The following SLC10A7 variants were observed in gnomAD, a reference collection of about 807,000 sequenced individuals.
The protein encoded by SLC10A7 is sodium/bile acid cotransporter 7.
SLC10A7 carries 29 observed loss-of-function variants against 43.2 expected under a neutral mutation model. That is an observed-to-expected ratio of 0.67 (90% confidence interval 0.50 to 0.92). SLC10A7 has a LOEUF of 0.92. Ranked by LOEUF, SLC10A7 falls within the 40% of genes least tolerant of loss-of-function variation. The probability of loss-of-function intolerance (pLI) is 0.00; values close to 1 mark genes in which losing one functional copy is unlikely to be tolerated. For synonymous variants in SLC10A7, 152 were observed against 144.8 expected, an observed-to-expected ratio of 1.05 and a Z score of -0.35; for missense variants, 295 against 403.2, an observed-to-expected ratio of 0.73 and a Z score of 2.30.
In SLC10A7 at chr4:146,286,257, G is replaced by C. The variant is rs575694846; in HGVS notation, c.774-2992C>G. ...AGTGGTGAGAAGGATCATGTTTGGA[G>C]TGGTGAGAAGGACCGTGTTTGGAGT... is the stretch of plus-strand genomic sequence containing the variant. On this transcript the variant is annotated intron_variant, in intron 9 of 11. Coordinates refer to ENST00000335472, the MANE Select transcript of SLC10A7 (RefSeq NM_001029998.6). 2.7e-5 allele frequency among the ~76,000 whole-genome samples: 4 copies of C among 150,782 alleles called. No homozygotes were observed. The East Asian group carries it at 7.9e-4, about 30-fold the overall frequency.
chr4:146,424,615 G>A (rs1240367206), intron 5 of SLC10A7, among the ~76,000 whole-genome samples: 3 of 151,674 alleles, frequency 2.0e-5, no homozygotes, highest in Non-Finnish European at 4.4e-5. Flanking sequence ...AGCCAAGATC[G>A]GGCTACTGCA....
intron 5 of SLC10A7, among the ~76,000 whole-genome samples, chr4:146,403,297 C>G (rs1230605028): frequency 6.6e-6 from 1 of 152,132 alleles, no homozygotes; most frequent in Non-Finnish European, 1.5e-5. Context: ...ACATTAATTT[C>G]TGGACTTGAG....
intron 3 of SLC10A7, among the ~76,000 whole-genome samples, chr4:146,507,185 T>A (rs1736994671): frequency 6.6e-6 from 1 of 152,222 alleles, no homozygotes; most frequent in South Asian, 2.1e-4. Context: ...TTTACATATT[T>A]TTTTTGATCA....
In SLC10A7 at chr4:146,414,181, T is replaced by C. The variant is rs529312841; in HGVS notation, c.435+28602A>G. Among the ~76,000 whole-genome samples, 36 of 152,168 alleles carry C rather than the reference T, an allele frequency of 2.4e-4. No individual in the cohort carries two copies. In the South Asian group the frequency reaches 7.3e-3, roughly 31 times the overall value. ...GCTGCAAATTCCCAGAAAGCTCACA[T>C]AGGGCCCTCCTCAACATGACTAGGA... On this transcript the variant is annotated intron_variant, in intron 5 of 11. Coordinates refer to ENST00000335472, the MANE Select transcript of SLC10A7 (RefSeq NM_001029998.6).
chr4:146,480,870 T>TAAGC (rs1408307570), intron 4 of SLC10A7, among the ~76,000 whole-genome samples: 1 of 151,326 alleles, frequency 6.6e-6, no homozygotes, highest in Admixed American at 6.6e-5. Context: ...AAATAATGAA[T>TAAGC]AAGCAACTGC....
intron 5 of SLC10A7, among the ~76,000 whole-genome samples, chr4:146,403,851 C>A (rs1171014996): frequency 6.6e-6 from 1 of 152,060 alleles, no homozygotes; most frequent in Non-Finnish European, 1.5e-5. Flanking sequence ...GTAAGAATAG[C>A]TATTGTGAGG....
In SLC10A7 at chr4:146,347,513, T is replaced by G. The variant is rs1398173355; in HGVS notation, c.436-21517A>C. Among the ~76,000 whole-genome samples the G allele has an allele frequency of 2.6e-5, 4 of 152,192 alleles. No individual in the cohort carries two copies. The South Asian group carries it at 6.2e-4, about 24-fold the overall frequency. On this transcript the variant is annotated intron_variant, in intron 5 of 11. Coordinates refer to ENST00000335472, the MANE Select transcript of SLC10A7 (RefSeq NM_001029998.6). ...CTGCTAAGTTGAGACATGGCTGGAGTGGAGGACAGGATTGTAAAGTTAGAA... is the reference window on the plus strand; with the variant it reads ...CTGCTAAGTTGAGACATGGCTGGAGGGGAGGACAGGATTGTAAAGTTAGAA...
intron 4 of SLC10A7, among the ~76,000 whole-genome samples, chr4:146,496,673 C>A (rs1214916584): frequency 6.6e-6 from 1 of 152,172 alleles, no homozygotes; most frequent in Non-Finnish European, 1.5e-5. Flanking sequence ...TTCTCCACAA[C>A]TATCCATTTA....
At chr4:146,341,908 C>T (rs941709227) in intron 5 of SLC10A7, among the ~76,000 whole-genome samples, 2 of 151,670 alleles carry the variant, frequency 1.3e-5, no homozygotes, top group African/African-American at 4.8e-5. Context: ...CAAAGTTATA[C>T]ATGAATCTCA....
At position 146,275,578 on chromosome 4, in the gene SLC10A7, C is replaced by T. The variant is rs114561072; in HGVS notation, c.847+7614G>A. ...TTGTGGAAGTCATGTGAGCTGGTGCCCACAAAGTATTTATGGGAAGTGACC... is the reference window on the plus strand; with the variant it reads ...TTGTGGAAGTCATGTGAGCTGGTGCTCACAAAGTATTTATGGGAAGTGACC... On this transcript the variant is annotated intron_variant, in intron 10 of 11. Transcript: ENST00000335472. 8.8e-3 allele frequency among the ~76,000 whole-genome samples: 1,327 copies of T among 151,578 alleles called. 5 individuals are homozygous for T. Among genetic ancestry groups the T allele is most frequent in the Non-Finnish European group, 0.014 (955 of 67,834 alleles).
At chr4:146,274,024 A>C (rs1177265285) in intron 10 of SLC10A7, among the ~76,000 whole-genome samples, 1 of 152,094 alleles carries the variant, frequency 6.6e-6, no homozygotes, top group Non-Finnish European at 1.5e-5. Context: ...CCCCTTTCAT[A>C]AAGGGATTTA....
At chr4:146,406,376 C>T (rs545880778) in intron 5 of SLC10A7, among the ~76,000 whole-genome samples, 7 of 152,260 alleles carry the variant, frequency 4.6e-5, no homozygotes, top group South Asian at 2.1e-4. Context: ...TTAAGCCTAT[C>T]GCTGAATACC....
chr4:146,389,706 T>G (rs1418114345), intron 5 of SLC10A7, among the ~76,000 whole-genome samples: 1 of 152,234 alleles, frequency 6.6e-6, no homozygotes, highest in African/African-American at 2.4e-5. Flanking sequence ...CAGCTTCTAA[T>G]GTAACAGGGC....
chr4:146,400,238 A>G (rs142035545), intron 5 of SLC10A7, among the ~76,000 whole-genome samples: 63 of 152,326 alleles, frequency 4.1e-4, no homozygotes, highest in African/African-American at 1.4e-3. Flanking sequence ...GATTTGGAAG[A>G]TGGAGGTCAC....
Position 146,512,664 on chromosome 4 carries a change from ATACT to A in SLC10A7, c.184-2619_184-2616del, listed in dbSNP as rs1218090967. ...GGCAACTCATTCCTTCATTTAAGTA[ATACT>A]TACTGAGCACCTGGCACCATTCTAG... is the stretch of plus-strand genomic sequence containing the variant. On this transcript the variant is annotated intron_variant, in intron 2 of 11. Transcript: ENST00000335472. 2.0e-5 allele frequency among the ~76,000 whole-genome samples: 3 copies of A among 152,282 alleles called. No homozygotes were observed. In the East Asian group the frequency reaches 5.8e-4, roughly 29 times the overall value.
intron 5 of SLC10A7, among the ~76,000 whole-genome samples, chr4:146,404,512 G>A (rs1434113219): frequency 6.6e-6 from 1 of 150,966 alleles, no homozygotes; most frequent in African/African-American, 2.4e-5. Flanking sequence ...GTGTGTGTGT[G>A]TGTGACTGGT....
chr4:146,282,365 C>A (rs192249044), intron 10 of SLC10A7, among the ~76,000 whole-genome samples: 3 of 152,242 alleles, frequency 2.0e-5, no homozygotes, highest in Admixed American at 1.3e-4. Context: ...GACTGAATTT[C>A]CTTAACATAA....
At chr4:146,321,913 T>C (rs1017254313) in intron 6 of SLC10A7, among the ~76,000 whole-genome samples, 6 of 152,202 alleles carry the variant, frequency 3.9e-5, no homozygotes, top group Admixed American at 3.3e-4. Flanking sequence ...AAGTGTTATA[T>C]GCGATGCATA....
At chr4:146,421,703 G>A (rs1467707177) in intron 5 of SLC10A7, among the ~76,000 whole-genome samples, 1 of 151,988 alleles carries the variant, frequency 6.6e-6, no homozygotes, top group Non-Finnish European at 1.5e-5. Context: ...CTATGTACCA[G>A]GTACCGTATT....
Sources: gnomAD v4.1 joint callset for allele counts (sites outside exome capture counted in the v4.1 genomes callset) on GRCh38, gnomAD v4.1.1 for gene constraint, MANE v1.5 for transcripts, NCBI Gene and HGNC (gene_info 2026-07-23, HGNC 2026-07-21) for gene names.